CRYBG3: variants seen among roughly 807,000 people sequenced by gnomAD.
CRYBG3 encodes very large A-kinase anchor protein.
CRYBG3 carries 127 observed loss-of-function variants against 244.2 expected under a neutral mutation model. That is an observed-to-expected ratio of 0.52 (90% CI 0.45 to 0.60). The LOEUF is 0.60. Among genes scored for constraint, CRYBG3 ranks in the 20% least tolerant of loss-of-function variants. The pLI, the probability that CRYBG3 is intolerant of heterozygous loss-of-function variation, is 0.00. For missense variants in CRYBG3, 3,325 were observed against 3,442.5 expected (o/e 0.97, Z 0.85); for synonymous variants, 1,132 against 1,195.8 (o/e 0.95, Z 1.10).
chr3:97,912,274 T>G lies in CRYBG3; in HGVS notation c.8112T>G (p.Gly2704=). ...CATGTTCTTTTAAAGTTCTTCGAGG[T>G]TGGTAAGTATGCTTACTTAGTGGTT... ...LMPCSFKVLR[G]CWLLYYQEDM... The change falls in exon 16 of 22, where the codon GGT becomes GGG. Residue 2704 remains glycine (G), a splice_region_variant and synonymous_variant. Transcript: ENST00000389622. 1 of 1,530,522 alleles carries G rather than the reference T, an allele frequency of 6.5e-7. No individual in the cohort carries two copies. Among genetic ancestry groups the G allele is most frequent in the South Asian group, 1.2e-5 (1 of 86,012 alleles). The allele number at this position is 1,530,522 out of a possible 1,614,324, so 94.8% of individuals were successfully genotyped here.
At chr3:97,912,361 G>A in intron 16 of CRYBG3, 85 bp downstream of exon 16, 1 of 592,084 alleles carries the variant, frequency 1.7e-6, no homozygotes. Context: ...TGCATGCACA[G>A]TGAATCCTTA....
chr3:97,850,077 T>C (rs1330569085), intron 2 of CRYBG3, among the ~76,000 whole-genome samples: 1 of 152,122 alleles, frequency 6.6e-6, no homozygotes, highest in Non-Finnish European at 1.5e-5. Flanking sequence ...AGTATAAAGT[T>C]TGACATACTC....
chr3:97,913,316 C>T (rs1236153763), intron 16 of CRYBG3, among the ~76,000 whole-genome samples: 2 of 152,150 alleles, frequency 1.3e-5, no homozygotes, highest in Non-Finnish European at 2.9e-5. Context: ...TCTCTTCTAA[C>T]ATTTGCTTTC....
chr3:97,880,046 A>G lies in CRYBG3; in HGVS notation c.6950A>G (p.Asp2317Gly). ...YKQEVYCNIP[D>G]ATSWSFPNGV... ...CAAGAAGTCTACTGTAATATTCCTG[A>G]TGCTACATCATGGTCTTTTCCAAAT... Residue 2317 changes from aspartate (D) to glycine (G), a missense_variant, in exon 6 of 22, where the codon GAT (aspartate) becomes GGT (glycine). Physicochemically the swap from Asp to Gly is moderately conservative, Grantham distance 94. Coordinates refer to ENST00000389622, the MANE Select transcript of CRYBG3 (RefSeq NM_153605.4). 1 of 1,603,724 alleles carries G rather than the reference A, an allele frequency of 6.2e-7. No homozygotes were observed. Among genetic ancestry groups the G allele is most frequent in the Non-Finnish European group, 8.5e-7 (1 of 1,173,186 alleles).
At chr3:97,907,070 A>C (rs1177167649) in intron 15 of CRYBG3, among the ~76,000 whole-genome samples, 3 of 152,092 alleles carry the variant, frequency 2.0e-5, no homozygotes, top group African/African-American at 4.8e-5. Flanking sequence ...ATATATTGAA[A>C]CAGCCTTGCA....
At chr3:97,871,509 G>A (rs1198229519) in intron 3 of CRYBG3, among the ~76,000 whole-genome samples, 1 of 152,088 alleles carries the variant, frequency 6.6e-6, no homozygotes, top group East Asian at 1.9e-4. Context: ...TGGTTACTTA[G>A]AGTCAGACAC....
intron 1 of CRYBG3, among the ~76,000 whole-genome samples, chr3:97,842,850 A>T (rs779152531): frequency 5.9e-5 from 9 of 152,130 alleles, no homozygotes; most frequent in Admixed American, 1.3e-4. Flanking sequence ...GCTATGGGGA[A>T]CCTTCACATA....
At chr3:97,925,436 G>T (rs1025108611) in intron 17 of CRYBG3, among the ~76,000 whole-genome samples, 16 of 152,026 alleles carry the variant, frequency 1.1e-4, no homozygotes, top group Admixed American at 1.0e-3. Context: ...GGGGGAATAA[G>T]AATGTCTGTT....
intron 4 of CRYBG3, among the ~76,000 whole-genome samples, chr3:97,879,015 A>G (rs1225261046): frequency 3.3e-5 from 5 of 152,198 alleles, no homozygotes; most frequent in Admixed American, 6.5e-5. Flanking sequence ...CTTCATGGCA[A>G]ATAGTAATAC....
rs2040224234 is a variant in CRYBG3, at chr3:97,941,138, C to T, written c.8506-10C>T. 6.3e-7 allele frequency: 1 copy of T among 1,584,050 alleles called. No homozygotes were observed. Among genetic ancestry groups the T allele is most frequent in the Non-Finnish European group, 8.6e-7 (1 of 1,165,698 alleles). On this transcript the variant is annotated splice_polypyrimidine_tract_variant and intron_variant, in intron 19 of 21. Transcript: ENST00000389622. ...AGTTTATTTCTAAATGGCTGTTTCTCCTGTCATAGCCTGCAGTGTACATCA... is the reference window on the plus strand; with the variant it reads ...AGTTTATTTCTAAATGGCTGTTTCTTCTGTCATAGCCTGCAGTGTACATCA...
At position 97,864,662 on chromosome 3, in the gene CRYBG3, T is replaced by C. The variant is rs951295815; in HGVS notation, c.647+15T>C. 19 of 1,491,312 alleles carry C rather than the reference T, an allele frequency of 1.3e-5. No homozygotes were observed. Among genetic ancestry groups the C allele is most frequent in the Non-Finnish European group, 1.6e-5 (18 of 1,127,778 alleles). The allele number at this position is 1,491,312 out of a possible 1,614,324, so 92.4% of individuals were successfully genotyped here. ...AATTTGCTAAAGTAAGTTTAAAATT[T>C]CATTGAACCAAAAAAAATTGAGCTT... On this transcript the variant is annotated intron_variant, in intron 3 of 21. Coordinates refer to ENST00000389622, the MANE Select transcript of CRYBG3 (RefSeq NM_153605.4).
intron 15 of CRYBG3, among the ~76,000 whole-genome samples, chr3:97,901,037 A>T (rs541467154): frequency 6.6e-6 from 1 of 152,180 alleles, no homozygotes; most frequent in African/African-American, 2.4e-5. Flanking sequence ...AACACTTCTA[A>T]TTCAGAAGTC....
chr3:97,869,778 A>G (rs1174212149), intron 3 of CRYBG3, among the ~76,000 whole-genome samples: 1 of 152,132 alleles, frequency 6.6e-6, no homozygotes, highest in Non-Finnish European at 1.5e-5. Context: ...GAATATAACT[A>G]ACATAATTTT....
chr3:97,875,343 A>C lies in CRYBG3; in HGVS notation c.4149A>C (p.Leu1383=), dbSNP rs891050737. ...AAGTATTAAATGAATTCTTCTCCCT[A>C]AGTAACTTAGCTAGTGGCACAGAGT... ...ENKVLNEFFS[L]SNLASGTESI... Residue 1383 remains leucine (L), a synonymous_variant, in exon 4 of 22, where the codon CTA becomes CTC. Transcript: ENST00000389622. The C allele has an allele frequency of 4.2e-6, 6 of 1,429,556 alleles. No individual in the cohort carries two copies. In the African/African-American group the frequency reaches 5.8e-5, roughly 14 times the overall value. 88.6% of individuals were successfully genotyped at this position (1,429,556 alleles called of 1,614,324 possible). A position where few individuals can be genotyped will look rare whatever the true frequency, so the allele number is the denominator to read the frequency against.
intron 3 of CRYBG3, among the ~76,000 whole-genome samples, chr3:97,871,087 A>G (rs2039296709): frequency 1.3e-5 from 2 of 152,168 alleles, no homozygotes; most frequent in Admixed American, 1.3e-4. Context: ...GTATGGCGTG[A>G]TGTGAGAACT....
chr3:97,878,060 TTAA>T lies in CRYBG3; in HGVS notation c.6843+29_6843+31del, dbSNP rs779885026. The T allele has an allele frequency of 3.2e-6, 5 of 1,541,890 alleles. No individual in the cohort carries two copies. The African/African-American group carries it at 6.9e-5, about 21-fold the overall frequency. On this transcript the variant is annotated intron_variant, in intron 4 of 21. Transcript: ENST00000389622. ...GAGGTAAGTTATTTTGTTTATTGTA[TTAA>T]TAATAGTTATTAAAGCTTTGGGTCA...
chr3:97,850,085 C>G (rs2038962755), intron 2 of CRYBG3, among the ~76,000 whole-genome samples: 1 of 152,112 alleles, frequency 6.6e-6, no homozygotes, highest in South Asian at 2.1e-4. Flanking sequence ...GTTTGACATA[C>G]TCAAAGTTGA....
chr3:97,888,951 T>A (rs1263810636), intron 9 of CRYBG3, among the ~76,000 whole-genome samples: 1 of 152,174 alleles, frequency 6.6e-6, no homozygotes, highest in Non-Finnish European at 1.5e-5. Flanking sequence ...GGGAAGACCT[T>A]TGGATTAGCT....
rs1236546981 is a variant in CRYBG3, at chr3:97,874,598, A to C, written c.3404A>C (p.Lys1135Thr). 4 of 1,535,936 alleles carry C rather than the reference A, an allele frequency of 2.6e-6. No homozygotes were observed. Among genetic ancestry groups the C allele is most frequent in the Non-Finnish European group, 3.5e-6 (4 of 1,146,858 alleles). ...FQEHFGIYTGKISIDFPTAAQ... is the reference protein window; with the variant it reads ...FQEHFGIYTGTISIDFPTAAQ... ...GAACATTTTGGGATTTATACTGGGAAGATATCCATTGATTTCCCAACTGCT... is the reference window on the plus strand; with the variant it reads ...GAACATTTTGGGATTTATACTGGGACGATATCCATTGATTTCCCAACTGCT... The change falls in exon 4 of 22, where the codon AAG becomes ACG. Residue 1135 changes from lysine to threonine, a missense_variant. By Grantham distance (78) the Lys-to-Thr change is moderately conservative. Transcript: ENST00000389622.
Sources: allele counts gnomAD v4.1 joint callset (sites outside exome capture counted in the v4.1 genomes callset), GRCh38; gene constraint gnomAD v4.1.1; transcripts MANE v1.5; gene names NCBI Gene and HGNC (gene_info 2026-07-23, HGNC 2026-07-21).